The following ARMC2 variants were observed in gnomAD, a reference collection of about 807,000 sequenced individuals.
ARMC2 encodes armadillo repeat-containing protein 2.
ARMC2 carries 67 observed loss-of-function variants against 90.3 expected under a neutral mutation model. The ratio of observed to expected loss-of-function variants is 0.74; its 90% confidence interval spans 0.61 to 0.91. The LOEUF (loss-of-function observed/expected upper bound fraction) is 0.91, where lower values mean the gene tolerates loss of function less well. ARMC2 is among the 40% of genes least tolerant of loss of function. The pLI is 0.00. For missense variants in ARMC2, 920 were observed against 1,030.9 expected (o/e 0.89, Z 1.47); for synonymous variants, 393 against 393.0 (o/e 1.00, Z 0.00).
chr6:108,910,115 C>T (rs540603687), intron 8 of ARMC2, among the ~76,000 whole-genome samples: 21 of 152,158 alleles, frequency 1.4e-4, no homozygotes, highest in African/African-American at 3.6e-4. Context: ...TAACAGTGTA[C>T]TGCACCCCTT....
chr6:109,013,997 T>C, the ARMC2 span, among the ~76,000 whole-genome samples: 1 of 152,038 alleles, frequency 6.6e-6, no homozygotes, highest in Non-Finnish European at 1.5e-5. Context: ...TCCTCTTATT[T>C]GCTCTATACT....
chr6:108,931,914 C>T (rs1442175595), intron 11 of ARMC2, among the ~76,000 whole-genome samples: 1 of 151,822 alleles, frequency 6.6e-6, no homozygotes, highest in Non-Finnish European at 1.5e-5. Flanking sequence ...CAGGCATGCA[C>T]CACCATACCC....
At chr6:108,867,845 A>G (rs1267833213) in intron 3 of ARMC2, among the ~76,000 whole-genome samples, 1 of 152,082 alleles carries the variant, frequency 6.6e-6, no homozygotes, top group African/African-American at 2.4e-5. Flanking sequence ...GAGGCCGGAG[A>G]ATCACTTGAA....
chr6:108,991,524 G>A, the ARMC2 span, among the ~76,000 whole-genome samples: 2 of 152,132 alleles, frequency 1.3e-5, no homozygotes, highest in East Asian at 3.9e-4. Flanking sequence ...TTACACGTGG[G>A]AGCCACCAGA....
At chr6:108,925,234 C>T (rs1774995888) in intron 10 of ARMC2, among the ~76,000 whole-genome samples, 1 of 152,144 alleles carries the variant, frequency 6.6e-6, no homozygotes, top group African/African-American at 2.4e-5. Flanking sequence ...ATTTTTTACT[C>T]CTCTGCTTTC....
At chr6:109,051,163 C>CA in the ARMC2 span, among the ~76,000 whole-genome samples, 13,787 of 150,446 alleles carry the variant, frequency 0.092, 832 homozygotes, top group Middle Eastern at 0.18. Context: ...AAAAAAACAA[C>CA]AAAAAAAAAC....
chr6:109,000,495 A>G, the ARMC2 span: 127 of 1,564,530 alleles, frequency 8.1e-5, no homozygotes, highest in Non-Finnish European at 1.0e-4. Context: ...GCTTACCTCA[A>G]TGTGTTCTTT....
At chr6:109,045,387 CTGA>C in the ARMC2 span, among the ~76,000 whole-genome samples, 1 of 152,186 alleles carries the variant, frequency 6.6e-6, no homozygotes, top group Non-Finnish European at 1.5e-5. Flanking sequence ...AAATGCAGAT[CTGA>C]TGATGATATA....
intron 10 of ARMC2, among the ~76,000 whole-genome samples, chr6:108,913,901 T>C (rs1773684982): frequency 6.6e-6 from 1 of 152,232 alleles, no homozygotes; most frequent in Non-Finnish European, 1.5e-5. Context: ...TCTCTCCTCA[T>C]TTAACAATAT....
intron 3 of ARMC2, among the ~76,000 whole-genome samples, chr6:108,868,137 A>G (rs904950418): frequency 8.4e-4 from 127 of 150,366 alleles, no homozygotes; most frequent in Middle Eastern, 3.4e-3. Flanking sequence ...GTACTCAACA[A>G]ATGTTTTCTG....
At chr6:108,946,370 G>A (rs575668996) in intron 12 of ARMC2, among the ~76,000 whole-genome samples, 1 of 152,288 alleles carries the variant, frequency 6.6e-6, no homozygotes, top group African/African-American at 2.4e-5. Context: ...TTAGATTCTT[G>A]GCTTTGAGTC....
rs910550188 is a variant in ARMC2 at position 108,866,016 on chromosome 6, T to TAAA, written c.292-2788_292-2786dup. ...TGGGTGACAGAATGAGACCCTGTCT[T>TAAA]AAAAAAAAAAAAAAAAAAAAAAGAT... On this transcript the variant is annotated intron_variant, in intron 3 of 17. Coordinates refer to ENST00000392644, the MANE Select transcript of ARMC2 (RefSeq NM_032131.6). 3.4e-3 allele frequency among the ~76,000 whole-genome samples: 402 copies of TAAA among 118,616 alleles called. 1 individual carries two copies. The highest frequency in any genetic ancestry group is 0.011 in the African/African-American group (367 of 32,022). 77.8% of individuals were successfully genotyped at this position (118,616 alleles called of 152,430 possible).
At chr6:108,964,714 C>T (rs949304652) in intron 16 of ARMC2, among the ~76,000 whole-genome samples, 4 of 151,518 alleles carry the variant, frequency 2.6e-5, no homozygotes, top group African/African-American at 9.7e-5. Context: ...ACAGAGGTTG[C>T]AGTGAGTGGA....
At chr6:108,988,265 C>A in the ARMC2 span, 1 of 268,618 alleles carries the variant, frequency 3.7e-6, no homozygotes, top group African/African-American at 2.2e-5. Context: ...GACACTTCTA[C>A]CTATACACAG....
chr6:108,991,947 C>G, the ARMC2 span, among the ~76,000 whole-genome samples: 1 of 152,182 alleles, frequency 6.6e-6, no homozygotes, highest in Admixed American at 6.5e-5. Context: ...ATTGTCTAGT[C>G]TCCTCTACTT....
chr6:108,958,036 T>G (rs556255395), intron 13 of ARMC2, among the ~76,000 whole-genome samples: 235 of 152,154 alleles, frequency 1.5e-3, no homozygotes, highest in Non-Finnish European at 2.9e-3. Flanking sequence ...TCTCTAAACC[T>G]CAGTGTTCTC....
intron 7 of ARMC2, among the ~76,000 whole-genome samples, chr6:108,900,184 T>G (rs1229648401): frequency 1.3e-5 from 2 of 152,236 alleles, no homozygotes. Context: ...CTGGCGTCCT[T>G]GACAGGTGTG....
chr6:108,955,095 A>G (rs756823482), intron 13 of ARMC2, among the ~76,000 whole-genome samples: 1 of 152,106 alleles, frequency 6.6e-6, no homozygotes, highest in African/African-American at 2.4e-5. Context: ...ACCTCATTTA[A>G]CCTTTATCAC....
intron 2 of ARMC2, 144 bp downstream of exon 2, chr6:108,854,629 A>G (rs911217153): frequency 1.3e-6 from 1 of 780,022 alleles, no homozygotes. Flanking sequence ...AGTGGAAGGT[A>G]CAGAGATTTC....
Sources: allele counts gnomAD v4.1 joint callset (sites outside exome capture counted in the v4.1 genomes callset), GRCh38; gene constraint gnomAD v4.1.1; transcripts MANE v1.5; gene names NCBI Gene and HGNC (gene_info 2026-07-23, HGNC 2026-07-21).